The following GLDN variants were observed in gnomAD, a reference collection of about 807,000 sequenced individuals.
GLDN encodes the protein collomin.
GLDN carries 47 observed loss-of-function variants against 56.5 expected under a neutral mutation model. The observed-to-expected ratio is 0.83, with a 90% confidence interval of 0.66 to 1.06. The LOEUF (loss-of-function observed/expected upper bound fraction) is 1.06. Among genes scored for constraint, GLDN ranks in the 50% least tolerant of loss-of-function variants. The pLI is 0.00. For missense variants in GLDN, 782 were observed against 714.3 expected (o/e 1.09, Z -1.08); for synonymous variants, 332 against 278.8 (o/e 1.19, Z -1.90).
chr15:51,404,899 G>C lies in GLDN; in HGVS notation c.*145G>C, dbSNP rs2038343381. On this transcript the variant is annotated 3_prime_UTR_variant, in exon 10 of 10. Transcript: ENST00000335449. Reference sequence around the variant, plus strand: ...TTATATGGTCAGTGAGCCCCGCTTAGTGAAATAGCAACAGATTGGAAGTTG... The same window carrying C: ...TTATATGGTCAGTGAGCCCCGCTTACTGAAATAGCAACAGATTGGAAGTTG... 1 of 638,782 alleles carries C rather than the reference G, an allele frequency of 1.6e-6. No individual in the cohort carries two copies. The highest frequency in any genetic ancestry group is 2.8e-6 in the Non-Finnish European group (1 of 358,754). 39.6% of individuals were successfully genotyped at this position (638,782 alleles called of 1,614,324 possible).
At chr15:51,389,686 T>G (rs1342805467) in intron 4 of GLDN, among the ~76,000 whole-genome samples, 2 of 152,132 alleles carry the variant, frequency 1.3e-5, no homozygotes, top group Non-Finnish European at 2.9e-5. Flanking sequence ...AAGACACGAA[T>G]AAGGAGGGCT....
Position 51,406,774 on chromosome 15 carries a change from C to A in GLDN, c.*2020C>A, listed in dbSNP as rs1032378678. On this transcript the variant is annotated 3_prime_UTR_variant, in exon 10 of 10. Coordinates refer to ENST00000335449, the MANE Select transcript of GLDN (RefSeq NM_181789.4). ...AATATGATGGCTATTTGAAACTTCACCTACTTTTCATTAGATTGGTTGTAC... is the reference window on the plus strand; with the variant it reads ...AATATGATGGCTATTTGAAACTTCAACTACTTTTCATTAGATTGGTTGTAC... 1 of 152,216 alleles carries A rather than the reference C, an allele frequency of 6.6e-6. No homozygotes were observed. The highest frequency in any genetic ancestry group is 2.4e-5 in the African/African-American group (1 of 41,464). The allele number at this position is 152,216 out of a possible 1,614,324, so 9.4% of individuals were successfully genotyped here.
Position 51,400,516 on chromosome 15 carries a change from A to G in GLDN, c.1027+18A>G. 1.2e-6 allele frequency: 2 copies of G among 1,612,994 alleles called. No individual in the cohort carries two copies. The highest frequency in any genetic ancestry group is 1.3e-5 in the African/African-American group (1 of 75,030). ...TTTTTCAGGTACTTGCACTCGGCCT[A>G]TGACCCATATCTGTGTGGTAACTGT... On this transcript the variant is annotated intron_variant, in intron 8 of 9. Transcript: ENST00000335449.
At chr15:51,393,640 G>C (rs8037041) in intron 4 of GLDN, among the ~76,000 whole-genome samples, 5,737 of 152,180 alleles carry the variant, frequency 0.038, 185 homozygotes, top group African/African-American at 0.091. Context: ...GCAAATTCTA[G>C]CCGTCTCCTT....
chr15:51,390,633 C>T (rs73397518), intron 4 of GLDN, among the ~76,000 whole-genome samples: 6,274 of 152,168 alleles, frequency 0.041, 433 homozygotes, highest in African/African-American at 0.14. Flanking sequence ...CTTTCCCCCG[C>T]CTTAGCAACA....
intron 2 of GLDN, 93 bp downstream of exon 2, chr15:51,377,593 TA>T: frequency 1.2e-6 from 1 of 829,752 alleles, no homozygotes. Flanking sequence ...CACTTTGTTA[TA>T]AAAATACATG....
intron 1 of GLDN, among the ~76,000 whole-genome samples, chr15:51,374,698 C>T (rs924467994): frequency 4.0e-5 from 6 of 149,690 alleles, no homozygotes; most frequent in Non-Finnish European, 5.9e-5. Flanking sequence ...TATTATTCAT[C>T]GTTAAATTAT....
chr15:51,389,467 A>G (rs1302039544), intron 4 of GLDN, among the ~76,000 whole-genome samples: 2 of 152,200 alleles, frequency 1.3e-5, no homozygotes, highest in East Asian at 3.8e-4. Context: ...AGACTGCTCT[A>G]TACTTCATAG....
chr15:51,371,571 G>T (rs533738231), intron 1 of GLDN, among the ~76,000 whole-genome samples: 1 of 152,320 alleles, frequency 6.6e-6, no homozygotes, highest in Non-Finnish European at 1.5e-5. Flanking sequence ...AACTGGAAAA[G>T]CTGGTCAGGC....
At chr15:51,410,260 C>T (rs919710381), downstream of GLDN, among the ~76,000 whole-genome samples, 4 of 152,192 alleles carry the variant, frequency 2.6e-5, 1 homozygote, top group South Asian at 6.2e-4. Context: ...GTGAACACTG[C>T]GATGCACTCA....
chr15:51,381,768 G>GTT (rs759416320), intron 2 of GLDN, among the ~76,000 whole-genome samples: 2 of 144,792 alleles, frequency 1.4e-5, no homozygotes, highest in Non-Finnish European at 1.5e-5. Flanking sequence ...ATCCCCTAGG[G>GTT]TTTTTTTTTT....
intron 9 of GLDN, 36 bp from the exon 10 acceptor site, chr15:51,404,241 G>C: frequency 6.7e-7 from 1 of 1,481,916 alleles, no homozygotes; most frequent in Non-Finnish European, 9.1e-7. Context: ...CAGAAACGGT[G>C]ATTCATGTCT....
chr15:51,405,569 A>G lies in GLDN; in HGVS notation c.*815A>G, dbSNP rs2038362011. On this transcript the variant is annotated 3_prime_UTR_variant, in exon 10 of 10. Coordinates refer to ENST00000335449, the MANE Select transcript of GLDN (RefSeq NM_181789.4). ...CCAGGTTTCTTAATAAAACAGAATCATGATCTTCCAGGTTCCCCCCAGTTT... is the reference window on the plus strand; with the variant it reads ...CCAGGTTTCTTAATAAAACAGAATCGTGATCTTCCAGGTTCCCCCCAGTTT... 1 of 152,114 alleles carries G rather than the reference A, an allele frequency of 6.6e-6. No homozygotes were observed. 9.4% of individuals were successfully genotyped at this position (152,114 alleles called of 1,614,324 possible).
chr15:51,345,067 T>C (rs891226750), intron 1 of GLDN, among the ~76,000 whole-genome samples: 1 of 151,986 alleles, frequency 6.6e-6, no homozygotes, highest in Non-Finnish European at 1.5e-5. Context: ...AGAGAGAAAA[T>C]TTGACCCATC....
At chr15:51,369,102 CTGA>C (rs1372493538) in intron 1 of GLDN, 2 of 152,196 alleles carry the variant, frequency 1.3e-5, no homozygotes, top group Non-Finnish European at 2.9e-5. Flanking sequence ...TCCAGGGTGT[CTGA>C]CCTCAGCTTC....
chr15:51,409,624 G>A (rs764721942), downstream of GLDN, among the ~76,000 whole-genome samples: 2 of 152,102 alleles, frequency 1.3e-5, no homozygotes, highest in African/African-American at 2.4e-5. Context: ...GTCCCAAGCC[G>A]CTTGCCCAGA....
chr15:51,345,770 A>T (rs1215764677), intron 1 of GLDN, among the ~76,000 whole-genome samples: 1 of 152,234 alleles, frequency 6.6e-6, no homozygotes, highest in East Asian at 1.9e-4. Context: ...AAGACAAGGG[A>T]AAATGGTCTA....
chr15:51,369,523 C>G (rs1046559100), intron 1 of GLDN, among the ~76,000 whole-genome samples: 1 of 152,184 alleles, frequency 6.6e-6, no homozygotes, highest in Non-Finnish European at 1.5e-5. Context: ...TGCTCTCTTA[C>G]TTTTGTGTGA....
intron 9 of GLDN, among the ~76,000 whole-genome samples, chr15:51,402,786 T>C (rs1484157242): frequency 6.6e-6 from 1 of 152,220 alleles, no homozygotes; most frequent in East Asian, 1.9e-4. Context: ...CATCGGACAC[T>C]GGCGTCAGCC....
Sources: gnomAD v4.1 joint callset for allele counts (sites outside exome capture counted in the v4.1 genomes callset) on GRCh38, gnomAD v4.1.1 for gene constraint, MANE v1.5 for transcripts, NCBI Gene and HGNC (gene_info 2026-07-23, HGNC 2026-07-21) for gene names.